NSMF: variants seen among roughly 807,000 people sequenced by gnomAD.
NSMF encodes NMDA receptor synaptonuclear signaling and neuronal migration factor.
NSMF carries 31 observed loss-of-function variants against 71.0 expected under a neutral mutation model. The observed-to-expected ratio is 0.44, with a 90% CI of 0.33 to 0.59. The LOEUF (loss-of-function observed/expected upper bound fraction) is 0.59, where lower values mean the gene tolerates loss of function less well. Ranked by LOEUF, NSMF falls within the 20% of genes least tolerant of loss-of-function variation. The pLI, the probability that NSMF is intolerant of heterozygous loss-of-function variation, is 0.04. For missense variants in NSMF, 673 were observed against 740.5 expected (o/e 0.91, Z 1.06); for synonymous variants, 345 against 287.1 (o/e 1.20, Z -2.04).
intron 4 of NSMF, 109 bp downstream of exon 4, chr9:137,456,302 T>A: frequency 1.1e-6 from 1 of 937,104 alleles, no homozygotes. Context: ...GTGGGTCTGT[T>A]CAGAAGCAGC....
rs983708666 is a variant in NSMF at position 137,457,596 on chromosome 9, G to A, written c.439C>T (p.Arg147Trp). 12 of 1,559,154 alleles carry A rather than the reference G, an allele frequency of 7.7e-6. No individual in the cohort carries two copies. Among genetic ancestry groups the A allele is most frequent in the African/African-American group, 1.4e-5 (1 of 73,374 alleles). The stretch of plus-strand genomic sequence containing the variant: ...TGGCAGGGCCTGCTGACGTCCTCCC[G>A]GCTGCCACCAGGGCTGGCGCGCAGG... ...QPLRASPGGSREDVSRPCQSW... is the reference protein window; with the variant it reads ...QPLRASPGGSWEDVSRPCQSW... The change falls in exon 3 of 16, where the codon CGG becomes TGG. Residue 147 changes from arginine (R) to tryptophan (W), a missense_variant. Transcript: ENST00000371475.
rs1313575223 is a variant in NSMF, at chr9:137,449,304, A to G, written c.*90T>C. On this transcript the variant is annotated 3_prime_UTR_variant, in exon 16 of 16. Coordinates refer to ENST00000371475, the MANE Select transcript of NSMF (RefSeq NM_001130969.3). ...AGTGGCTCCAGGCGAGACCGGAGCC[A>G]CACAGTCCCGGGGAGCACGAGGCGG... The G allele has an allele frequency of 6.3e-6, 7 of 1,119,754 alleles. No homozygotes were observed. Among genetic ancestry groups the G allele is most frequent in the Non-Finnish European group, 9.3e-6 (7 of 751,110 alleles). The allele number at this position is 1,119,754 out of a possible 1,614,324, so 69.4% of individuals were successfully genotyped here. A position where few individuals can be genotyped will look rare whatever the true frequency, so the allele number is the denominator to read the frequency against.
At position 137,450,214 on chromosome 9, in the gene NSMF, G is replaced by A. The variant is rs1243328174; in HGVS notation, c.1278C>T (p.Ala426=). 6.2e-7 allele frequency: 1 copy of A among 1,613,378 alleles called. No individual in the cohort carries two copies. Among genetic ancestry groups the A allele is most frequent in the East Asian group, 2.2e-5 (1 of 44,892 alleles). The change falls in exon 13 of 16, where the codon GCC becomes GCT. Residue 426 remains alanine (A), a synonymous_variant. Coordinates refer to ENST00000371475, the MANE Select transcript of NSMF (RefSeq NM_001130969.3). ...GHLYLLKNKV[A]TFAKVEKEED... Reference sequence around the variant, plus strand: ...CTTCCTTCTCCACTTTGGCAAAGGTGGCCACCTTGTTCTTGAGGAGATAGA... The same window carrying A: ...CTTCCTTCTCCACTTTGGCAAAGGTAGCCACCTTGTTCTTGAGGAGATAGA...
Position 137,454,840 on chromosome 9 carries a change from G to T in NSMF, c.780-397C>A, listed in dbSNP as rs979486485. 103 of 1,195,800 alleles carry T rather than the reference G, an allele frequency of 8.6e-5. 2 individuals are homozygous for T. In the South Asian group the frequency reaches 1.5e-3, roughly 17 times the overall value. 74.1% of individuals were successfully genotyped at this position (1,195,800 alleles called of 1,614,324 possible). ...TCTGCACCACCCCATGGCGGGCTGG[G>T]GGCCTGCAGGAGCCCCCTCTCCTGC... On this transcript the variant is annotated intron_variant, in intron 6 of 15. Transcript: ENST00000371475.
In NSMF at chr9:137,450,045, C is replaced by G; in HGVS notation, c.1317-20G>C. ...CAGAAGCTGGTGGAGAGGGGTGGGT[C>G]ACCCAGTGGCAGGGGACAGGCACCC... On this transcript the variant is annotated intron_variant, in intron 13 of 15. Coordinates refer to ENST00000371475, the MANE Select transcript of NSMF (RefSeq NM_001130969.3). 1 of 1,608,144 alleles carries G rather than the reference C, an allele frequency of 6.2e-7. No individual in the cohort carries two copies. The highest frequency in any genetic ancestry group is 8.5e-7 in the Non-Finnish European group (1 of 1,175,846).
At position 137,448,934 on chromosome 9, in the gene NSMF, G is replaced by C; in HGVS notation, c.*460C>G. 1 of 267,284 alleles carries C rather than the reference G, an allele frequency of 3.7e-6. No individual in the cohort carries two copies. The highest frequency in any genetic ancestry group is 3.9e-5 in the South Asian group (1 of 25,756). 16.6% of individuals were successfully genotyped at this position (267,284 alleles called of 1,614,324 possible). On this transcript the variant is annotated 3_prime_UTR_variant, in exon 16 of 16. Coordinates refer to ENST00000371475, the MANE Select transcript of NSMF (RefSeq NM_001130969.3). This position sits in a 1 kb window ranked among gnomAD's most constrained non-coding sequence, Gnocchi z 5.3. ...TGGTGATCGATACGGCAGGGAGGGG[G>C]TGGGCAGGGAGGGTCCTGAACACAT...
At chr9:137,454,852 G>T in intron 6 of NSMF, 1 of 1,096,670 alleles carries the variant, frequency 9.1e-7, no homozygotes, top group Non-Finnish European at 1.2e-6. Flanking sequence ...GCCTGCAGGA[G>T]CCCCCTCTCC....
Position 137,449,326 on chromosome 9 carries a change from G to T in NSMF, c.*68C>A, listed in dbSNP as rs1378356963. The T allele has an allele frequency of 1.5e-6, 2 of 1,358,944 alleles. No individual in the cohort carries two copies. The highest frequency in any genetic ancestry group is 1.0e-6 in the Non-Finnish European group (1 of 958,200). 84.2% of individuals were successfully genotyped at this position (1,358,944 alleles called of 1,614,324 possible). A position where few individuals can be genotyped will look rare whatever the true frequency, so the allele number is the denominator to read the frequency against. On this transcript the variant is annotated 3_prime_UTR_variant, in exon 16 of 16. Coordinates refer to ENST00000371475, the MANE Select transcript of NSMF (RefSeq NM_001130969.3). ...GCCACACAGTCCCGGGGAGCACGAGGCGGCCCAGCCCCAGGTCCCGGTGCA... is the reference window on the plus strand; with the variant it reads ...GCCACACAGTCCCGGGGAGCACGAGTCGGCCCAGCCCCAGGTCCCGGTGCA...
At chr9:137,450,933 C>T (rs544852654) in intron 12 of NSMF, among the ~76,000 whole-genome samples, 4 of 22,578 alleles carry the variant, frequency 1.8e-4, no homozygotes, top group African/African-American at 1.0e-3. Context: ...CCCCTCCACA[C>T]GCCTCTTCCC....
At chr9:137,458,618 G>T in intron 1 of NSMF, 69 bp from the exon 2 acceptor site, 1 of 1,444,510 alleles carries the variant, frequency 6.9e-7, no homozygotes, top group Non-Finnish European at 9.4e-7. Context: ...CCGCGCAAGA[G>T]CCGGGGGTCC....
intron 2 of NSMF, among the ~76,000 whole-genome samples, chr9:137,458,186 G>C (rs899451350): frequency 6.6e-6 from 1 of 152,178 alleles, no homozygotes; most frequent in Non-Finnish European, 1.5e-5. Context: ...CGTTTGCCTG[G>C]TGCCAACTTC....
At position 137,454,450 on chromosome 9, in the gene NSMF, G is replaced by T. The variant is rs963688660; in HGVS notation, c.780-7C>A. The T allele has an allele frequency of 1.3e-6, 2 of 1,550,126 alleles. No individual in the cohort carries two copies. The highest frequency in any genetic ancestry group is 2.4e-5 in the East Asian group (1 of 40,930). On this transcript the variant is annotated splice_region_variant and splice_polypyrimidine_tract_variant and intron_variant, in intron 6 of 15. Coordinates refer to ENST00000371475, the MANE Select transcript of NSMF (RefSeq NM_001130969.3). ...CAGGTGTTTGCGGAAGTTCCTGGGG[G>T]AGGAAGCCAGGGGCTGAAGAGGGCC...
At chr9:137,451,916 C>T (rs1451678575) in intron 12 of NSMF, among the ~76,000 whole-genome samples, 2 of 43,720 alleles carry the variant, frequency 4.6e-5, no homozygotes, top group Admixed American at 2.2e-4. Context: ...GCCTCTTCCC[C>T]TTGGTCTCCC....
Position 137,453,140 on chromosome 9 carries a change from G to A in NSMF, c.963C>T (p.Ala321=), listed in dbSNP as rs960429796. 1.9e-6 allele frequency: 3 copies of A among 1,612,574 alleles called. No individual in the cohort carries two copies. In the Admixed American group the frequency reaches 5.0e-5, roughly 27 times the overall value. ...LQSSHCTLDE[A]FEDLDWDTEK... Reference sequence around the variant, plus strand: ...CAGTGTCCCAGTCCAGGTCCTCGAAGGCCTCGTCCAGCGTGCAGTGGGAGC... The same window carrying A: ...CAGTGTCCCAGTCCAGGTCCTCGAAAGCCTCGTCCAGCGTGCAGTGGGAGC... Residue 321 remains alanine (A), a synonymous_variant, in exon 9 of 16, where the codon GCC becomes GCT. Coordinates refer to ENST00000371475, the MANE Select transcript of NSMF (RefSeq NM_001130969.3). This position sits in a 1 kb window ranked among gnomAD's most constrained non-coding sequence, Gnocchi z 4.5.
Position 137,458,568 on chromosome 9 carries a change from C to T in NSMF, c.72-19G>A. Reference sequence around the variant, plus strand: ...GGCTGCTCTGAGGGTGGACAGAGGGCACGGTCAGAGGCCACGGCACGACCC... The same window carrying T: ...GGCTGCTCTGAGGGTGGACAGAGGGTACGGTCAGAGGCCACGGCACGACCC... On this transcript the variant is annotated intron_variant, in intron 1 of 15. Transcript: ENST00000371475. 1.3e-6 allele frequency: 2 copies of T among 1,583,936 alleles called. No individual in the cohort carries two copies. Among genetic ancestry groups the T allele is most frequent in the Non-Finnish European group, 1.7e-6 (2 of 1,167,478 alleles).
In NSMF at chr9:137,456,507, C is replaced by G. The variant is rs768001142; in HGVS notation, c.629-21G>C. On this transcript the variant is annotated intron_variant, in intron 3 of 15. Transcript: ENST00000371475. ...GTCGTCTAAGAGAGACAAAAAGGAG[C>G]GGTGGCTGGGTGAAGTAGGGGTTCC... 3.0e-5 allele frequency: 46 copies of G among 1,544,014 alleles called. 1 individual carries two copies. Among genetic ancestry groups the G allele is most frequent in the Non-Finnish European group, 4.0e-5 (45 of 1,123,728 alleles).
intron 3 of NSMF, 105 bp downstream of exon 3, chr9:137,457,302 T>C: frequency 6.7e-7 from 1 of 1,502,544 alleles, no homozygotes; most frequent in Non-Finnish European, 9.2e-7. Flanking sequence ...TGCTGTGACC[T>C]GAGCACCTGT....
chr9:137,456,609 TG>T, intron 3 of NSMF, 123 bp from the exon 4 acceptor site: 5 of 434,770 alleles, frequency 1.2e-5, no homozygotes, highest in Admixed American at 2.6e-5. Flanking sequence ...CCAGGGCGGG[TG>T]GGGGGAGGGT....
chr9:137,453,649 C>G lies in NSMF; in HGVS notation c.922+82G>C. 1 of 1,102,480 alleles carries G rather than the reference C, an allele frequency of 9.1e-7. No individual in the cohort carries two copies. The highest frequency in any genetic ancestry group is 1.3e-6 in the Non-Finnish European group (1 of 776,392). The allele number at this position is 1,102,480 out of a possible 1,614,324, so 68.3% of individuals were successfully genotyped here. A position where few individuals can be genotyped will look rare whatever the true frequency, so the allele number is the denominator to read the frequency against. On this transcript the variant is annotated intron_variant, in intron 8 of 15. Coordinates refer to ENST00000371475, the MANE Select transcript of NSMF (RefSeq NM_001130969.3). This position sits in a 1 kb window ranked among gnomAD's most constrained non-coding sequence, Gnocchi z 4.5. ...GGAGTGCAAAAGCGCAGCCCAGCGG[C>G]CCTGGCAGGGGACCCCCAGCAGGGG...
Sources: gnomAD v4.1 joint callset for allele counts (sites outside exome capture counted in the v4.1 genomes callset) on GRCh38, gnomAD v4.1.1 for gene constraint, Gnocchi (gnomAD v3.1) non-coding constraint, MANE v1.5 for transcripts, NCBI Gene and HGNC (gene_info 2026-07-23, HGNC 2026-07-21) for gene names.